Variants in STIL observed in about 807,000 individuals in gnomAD.
The protein encoded by STIL is STIL centriolar assembly protein.
A neutral mutation model predicts 110.1 loss-of-function variants in STIL; 55 were observed. The observed-to-expected ratio is 0.50, with a 90% CI of 0.40 to 0.63. The LOEUF (loss-of-function observed/expected upper bound fraction) is 0.63. STIL is among the 20% of genes least tolerant of loss of function. STIL has a pLI of 0.00. For missense variants in STIL, 1,358 were observed against 1,530.0 expected (o/e 0.89, Z 1.87); for synonymous variants, 481 against 530.0 (o/e 0.91, Z 1.27).
chr1:47,284,865 G>A (rs1645249498), intron 10 of STIL, among the ~76,000 whole-genome samples: 1 of 151,308 alleles, frequency 6.6e-6, no homozygotes, highest in Admixed American at 6.6e-5. Context: ...ACTCCAGCCT[G>A]GGTGACAGAG....
At position 47,311,288 on chromosome 1, in the gene STIL, T is replaced by C. The variant is rs1477505871; in HGVS notation, c.-43-926A>G. On this transcript the variant is annotated intron_variant, in intron 1 of 16. Transcript: ENST00000371877. ...CCATTTTCTTTTCTTTTTTTCTTTT[T>C]TTTTTTTTTTTGAAACAGGGTCTCA... Among the ~76,000 whole-genome samples the C allele has an allele frequency of 2.4e-4, 35 of 148,180 alleles. 1 individual carries two copies. Among genetic ancestry groups the C allele is most frequent in the South Asian group, 4.2e-4 (2 of 4,730 alleles).
At chr1:47,308,581 CAG>C (rs1380160015) in intron 2 of STIL, among the ~76,000 whole-genome samples, 3 of 150,662 alleles carry the variant, frequency 2.0e-5, no homozygotes, top group East Asian at 1.9e-4. Context: ...CTCATGGACA[CAG>C]AGAGTAGAAG....
chr1:47,273,655 G>A (rs1644905064), intron 12 of STIL, among the ~76,000 whole-genome samples: 1 of 152,136 alleles, frequency 6.6e-6, no homozygotes, highest in Non-Finnish European at 1.5e-5. Context: ...ATGCTACTTG[G>A]ACATTTACAT....
intron 12 of STIL, among the ~76,000 whole-genome samples, chr1:47,279,719 C>T (rs900447394): frequency 6.2e-5 from 8 of 130,050 alleles, no homozygotes; most frequent in Admixed American, 3.8e-4. Flanking sequence ...ACAGAAGAGA[C>T]TCCGTCTCAA....
intron 1 of STIL, among the ~76,000 whole-genome samples, chr1:47,312,526 A>T (rs1286981569): frequency 6.6e-6 from 1 of 152,210 alleles, no homozygotes; most frequent in Non-Finnish European, 1.5e-5. Context: ...CAGCTTCCAC[A>T]GAATGCAGGC....
chr1:47,257,305 T>C (rs1342620150), intron 16 of STIL, among the ~76,000 whole-genome samples: 1 of 152,190 alleles, frequency 6.6e-6, no homozygotes, highest in African/African-American at 2.4e-5. Flanking sequence ...ACTCTTATGT[T>C]GGAGAAACTA....
At chr1:47,266,052 G>A (rs1384790499) in intron 14 of STIL, among the ~76,000 whole-genome samples, 1 of 152,070 alleles carries the variant, frequency 6.6e-6, no homozygotes, top group Non-Finnish European at 1.5e-5. Flanking sequence ...ACAGGCATGA[G>A]CCACCAAGCC....
intron 6 of STIL, among the ~76,000 whole-genome samples, chr1:47,296,230 A>T (rs1645638538): frequency 6.6e-6 from 1 of 152,180 alleles, no homozygotes; most frequent in African/African-American, 2.4e-5. Flanking sequence ...GAAAATGTTC[A>T]TGCATCCAAG....
Position 47,295,868 on chromosome 1 carries a change from G to C in STIL, c.702-20C>G, listed in dbSNP as rs748588080. 1 of 1,562,664 alleles carries C rather than the reference G, an allele frequency of 6.4e-7. No individual in the cohort carries two copies. The highest frequency in any genetic ancestry group is 8.8e-7 in the Non-Finnish European group (1 of 1,134,028). On this transcript the variant is annotated intron_variant, in intron 6 of 16. Transcript: ENST00000371877. ...AGATATCTAAACAGAAGACATTCATGTGAAAATAACTGAAATTATGTACTT... is the reference window on the plus strand; with the variant it reads ...AGATATCTAAACAGAAGACATTCATCTGAAAATAACTGAAATTATGTACTT...
At chr1:47,260,254 T>C in intron 16 of STIL, 35 bp downstream of exon 16, 1 of 1,570,492 alleles carries the variant, frequency 6.4e-7, no homozygotes, top group Non-Finnish European at 8.6e-7. Flanking sequence ...AAAATAAAAT[T>C]TATTCACTCT....
intron 12 of STIL, among the ~76,000 whole-genome samples, chr1:47,273,181 A>G (rs2148887222): frequency 6.6e-6 from 1 of 152,338 alleles, no homozygotes; most frequent in South Asian, 2.1e-4. Flanking sequence ...TCAAACACCA[A>G]AAGCCTCCCC....
chr1:47,312,021 G>C lies in STIL; in HGVS notation c.-43-1659C>G, dbSNP rs529542586. Among the ~76,000 whole-genome samples the C allele has an allele frequency of 1.0e-3, 157 of 152,216 alleles. 1 individual carries two copies. Among genetic ancestry groups the C allele is most frequent in the African/African-American group, 3.6e-3 (149 of 41,548 alleles). ...ATATCATCCCACTGCACTCCAGCCT[G>C]GGCAAGAGAATGAGCCTCTGTCTCA... On this transcript the variant is annotated intron_variant, in intron 1 of 16. Coordinates refer to ENST00000371877, the MANE Select transcript of STIL (RefSeq NM_001048166.1).
rs767736752 is a variant in STIL, at chr1:47,280,246, C to T, written c.2212G>A (p.Ala738Thr). The T allele has an allele frequency of 1.2e-6, 2 of 1,614,160 alleles. No individual in the cohort carries two copies. The highest frequency in any genetic ancestry group is 1.7e-6 in the Non-Finnish European group (2 of 1,180,040). The change falls in exon 12 of 17, where the codon GCA (alanine) becomes ACA (threonine). Residue 738 changes from alanine (A) to threonine (T), a missense_variant. Transcript: ENST00000371877. ...TAGGAAAGCACCAAGCAAACCTGTG[C>T]CTGAAGTAGTCTTAGCTGTCTGTCT... is the stretch of plus-strand genomic sequence containing the variant. ...EQDRQLRLLQAQIQRLLEAQS... is the reference protein window; with the variant it reads ...EQDRQLRLLQTQIQRLLEAQS...
chr1:47,269,497 G>GT, intron 14 of STIL, 138 bp downstream of exon 14: 1 of 662,464 alleles, frequency 1.5e-6, no homozygotes. Flanking sequence ...TGATAGATTT[G>GT]TTGGTCTGAT....
At chr1:47,261,259 G>A (rs1023244964) in intron 15 of STIL, among the ~76,000 whole-genome samples, 10 of 151,528 alleles carry the variant, frequency 6.6e-5, no homozygotes, top group Non-Finnish European at 8.8e-5. Flanking sequence ...GTGGTGGCAC[G>A]TACCTGTGGT....
chr1:47,261,405 A>AATAT (rs1269931734), intron 15 of STIL, among the ~76,000 whole-genome samples: 1 of 151,556 alleles, frequency 6.6e-6, no homozygotes, highest in Non-Finnish European at 1.5e-5. Flanking sequence ...TAAATAAATA[A>AATAT]AATAGAAAAT....
At chr1:47,253,006 T>C (rs1234288912) in intron 16 of STIL, among the ~76,000 whole-genome samples, 1 of 152,156 alleles carries the variant, frequency 6.6e-6, no homozygotes, top group Non-Finnish European at 1.5e-5. Context: ...TTTGCTAATG[T>C]TGGCACAATT....
intron 10 of STIL, 22 bp downstream of exon 10, chr1:47,287,529 T>G: frequency 6.7e-7 from 1 of 1,498,898 alleles, no homozygotes. Context: ...AACACACACA[T>G]AATAACAAAA....
chr1:47,280,207 G>C, intron 12 of STIL, 34 bp downstream of exon 12: 1 of 1,613,748 alleles, frequency 6.2e-7, no homozygotes, highest in Non-Finnish European at 8.5e-7. Flanking sequence ...TTAATACCAA[G>C]AAATTAATAG....
Sources: gnomAD v4.1 joint callset for allele counts (sites outside exome capture counted in the v4.1 genomes callset) on GRCh38, gnomAD v4.1.1 for gene constraint, MANE v1.5 for transcripts, NCBI Gene and HGNC (gene_info 2026-07-23, HGNC 2026-07-21) for gene names.